Variants in MAGEC3 observed in about 807,000 individuals in gnomAD.
The protein encoded by MAGEC3 is melanoma-associated antigen C3.
Under a neutral mutation model 35.3 loss-of-function variants are expected in MAGEC3, and 34 were observed. That is an observed-to-expected ratio of 0.96 (90% CI 0.73 to 1.28). The LOEUF is 1.28. Ranked by LOEUF, MAGEC3 falls within the 50% of genes most tolerant of loss-of-function variation. The probability of loss-of-function intolerance (pLI) is 0.00; values close to 1 mark genes in which losing one functional copy is unlikely to be tolerated. For missense variants in MAGEC3, 561 were observed against 483.6 expected (o/e 1.16, Z -1.50); for synonymous variants, 202 against 185.6 (o/e 1.09, Z -0.72).
At chrX:141,854,519 T>A (rs961829709) in intron 1 of MAGEC3, among the ~76,000 whole-genome samples, 1 of 111,085 alleles carries the variant, frequency 9.0e-6, no homozygotes, top group Non-Finnish European at 1.9e-5. Context: ...ACTGTTCTCA[T>A]GGTAATGAAT....
intron 3 of MAGEC3, among the ~76,000 whole-genome samples, chrX:141,881,041 A>G (rs776524504): frequency 8.9e-6 from 1 of 112,464 alleles, no homozygotes; most frequent in Non-Finnish European, 1.9e-5. Context: ...CCAAACTGTG[A>G]TAGAGAACTT....
At chrX:141,865,928 T>G (rs997919375) in intron 2 of MAGEC3, among the ~76,000 whole-genome samples, 1 of 111,607 alleles carries the variant, frequency 9.0e-6, no homozygotes. Context: ...TGCATGGGTA[T>G]CAGGTAGCAA....
chrX:141,882,851 G>T (rs1332195167), intron 4 of MAGEC3, among the ~76,000 whole-genome samples: 1 of 111,801 alleles, frequency 8.9e-6, no homozygotes. Flanking sequence ...TTTCAAAAAA[G>T]TGGGGAGGTG....
chrX:141,858,375 T>C (rs1329751421), intron 1 of MAGEC3, among the ~76,000 whole-genome samples: 2 of 111,085 alleles, frequency 1.8e-5, no homozygotes, highest in Middle Eastern at 4.6e-3. Context: ...TGGAATTTAA[T>C]GATTTAAGGT....
At chrX:141,871,028 G>T (rs761025005) in intron 2 of MAGEC3, among the ~76,000 whole-genome samples, 3 of 112,393 alleles carry the variant, frequency 2.7e-5, no homozygotes, top group Admixed American at 9.4e-5. Context: ...GAACTAAAAG[G>T]TACCACAACT....
At chrX:141,868,137 G>T (rs1051973651) in intron 2 of MAGEC3, among the ~76,000 whole-genome samples, 4 of 110,920 alleles carry the variant, frequency 3.6e-5, no homozygotes, top group African/African-American at 1.3e-4. Context: ...AAAAAAAGGA[G>T]AGGTAGAAAT....
chrX:141,871,883 G>A (rs1232490446), intron 2 of MAGEC3, among the ~76,000 whole-genome samples: 1 of 109,161 alleles, frequency 9.2e-6, no homozygotes, highest in Non-Finnish European at 1.9e-5. Flanking sequence ...AAGGTTAGGG[G>A]CTAAAGGCTT....
intron 2 of MAGEC3, among the ~76,000 whole-genome samples, chrX:141,869,967 T>TGAAAAGGAGAGGGA (rs2017877215): frequency 9.9e-4 from 111 of 111,632 alleles, no homozygotes; most frequent in African/African-American, 3.4e-3. Context: ...TGTTTACCTC[T>TGAAAAGGAGAGGGA]TTTCCAGATG....
chrX:141,864,795 G>A (rs1215939164), intron 1 of MAGEC3, among the ~76,000 whole-genome samples: 1 of 111,607 alleles, frequency 9.0e-6, no homozygotes, highest in South Asian at 3.7e-4. Flanking sequence ...AAAAAAAGAA[G>A]TCTGGGGGAA....
intron 4 of MAGEC3, among the ~76,000 whole-genome samples, chrX:141,886,123 G>T (rs1220772950): frequency 9.0e-6 from 1 of 111,165 alleles, no homozygotes; most frequent in Non-Finnish European, 1.9e-5. Context: ...CAGAGGCAAA[G>T]CAGCAATCAG....
intron 1 of MAGEC3, among the ~76,000 whole-genome samples, chrX:141,864,518 G>A (rs762835812): frequency 7.2e-5 from 8 of 110,589 alleles, no homozygotes; most frequent in South Asian, 3.9e-4. Flanking sequence ...GGAAACTAAC[G>A]CAGGAACAGA....
intron 4 of MAGEC3, among the ~76,000 whole-genome samples, chrX:141,882,073 C>G (rs771861753): frequency 2.8e-4 from 31 of 111,700 alleles, no homozygotes; most frequent in Non-Finnish European, 4.3e-4. Flanking sequence ...ATAATTGACA[C>G]CAAAAATGAT....
At chrX:141,892,535 CAATT>C (rs1404805742) in intron 4 of MAGEC3, among the ~76,000 whole-genome samples, 6 of 110,707 alleles carry the variant, frequency 5.4e-5, no homozygotes, top group African/African-American at 9.8e-5. Flanking sequence ...AATATTTCAC[CAATT>C]AATTCTCTCA....
At chrX:141,869,272 A>G (rs928068967) in intron 2 of MAGEC3, among the ~76,000 whole-genome samples, 4 of 111,875 alleles carry the variant, frequency 3.6e-5, no homozygotes, top group African/African-American at 1.3e-4. Context: ...GTTCTGTTAC[A>G]AAAGAAAACA....
intron 1 of MAGEC3, among the ~76,000 whole-genome samples, chrX:141,841,172 C>A (rs569557488): frequency 9.9e-4 from 110 of 111,034 alleles, no homozygotes; most frequent in African/African-American, 3.5e-3. Flanking sequence ...CAACCTGGTG[C>A]TCTCTGACTC....
chrX:141,866,785 A>C (rs957541312), intron 2 of MAGEC3, among the ~76,000 whole-genome samples: 1 of 112,589 alleles, frequency 8.9e-6, no homozygotes, highest in Non-Finnish European at 1.9e-5. Flanking sequence ...ATGAAGCTCA[A>C]ATAAGGCTTA....
At position 141,895,500 on chromosome X, in the gene MAGEC3, G is replaced by A; in HGVS notation, c.1064G>A (p.Arg355Lys). The change falls in exon 6 of 8, where the codon AGA (arginine) becomes AAA (lysine). Residue 355 changes from arginine (R) to lysine (K), a missense_variant. Coordinates refer to ENST00000298296, the MANE Select transcript of MAGEC3 (RefSeq NM_138702.1). ...LANPQGLAGH[R>K]QEDGRRGLTE... is the part of the protein sequence containing the mutation. ...GCTGCCATAGGACTTGCAGGCCACA[G>A]ACAGGAAGATGGCCGCCGAGGGCTG... is the stretch of plus-strand genomic sequence containing the variant. 1 of 1,210,967 alleles carries A rather than the reference G, an allele frequency of 8.3e-7. No homozygotes were observed. The highest frequency in any genetic ancestry group is 1.1e-6 in the Non-Finnish European group (1 of 895,133).
chrX:141,872,943 C>G (rs2017897780), intron 2 of MAGEC3, among the ~76,000 whole-genome samples: 1 of 112,206 alleles, frequency 8.9e-6, no homozygotes, highest in Admixed American at 9.4e-5. Flanking sequence ...TCAGGATGAA[C>G]TGCCATTGCC....
intron 1 of MAGEC3, among the ~76,000 whole-genome samples, chrX:141,847,005 C>T (rs747733678): frequency 2.7e-5 from 3 of 110,882 alleles, no homozygotes; most frequent in Admixed American, 1.9e-4. Flanking sequence ...AGCAATTACC[C>T]CAGTGCATTA....
Sources: allele counts gnomAD v4.1 joint callset (sites outside exome capture counted in the v4.1 genomes callset), GRCh38; gene constraint gnomAD v4.1.1; transcripts MANE v1.5; gene names NCBI Gene and HGNC (gene_info 2026-07-23, HGNC 2026-07-21).